The following ELF1 variants were observed in gnomAD, a reference collection of about 807,000 sequenced individuals.
ELF1 encodes ETS-related transcription factor Elf-1.
A neutral mutation model predicts 59.9 loss-of-function variants in ELF1; 24 were observed. The observed-to-expected ratio is 0.40, with a 90% CI of 0.29 to 0.56. ELF1 has a LOEUF of 0.56. Ranked by LOEUF, ELF1 falls within the 20% of genes least tolerant of loss-of-function variation. ELF1 has a pLI of 0.44. For synonymous variants in ELF1, 248 were observed against 266.2 expected (o/e 0.93, Z 0.67); for missense variants, 627 against 742.2 (o/e 0.84, Z 1.80).
At chr13:40,989,874 A>G (rs1443570828) in intron 1 of ELF1, among the ~76,000 whole-genome samples, 3 of 152,204 alleles carry the variant, frequency 2.0e-5, no homozygotes, top group Non-Finnish European at 4.4e-5. Context: ...AATTGGAGGA[A>G]ACATAATCTG....
intron 1 of ELF1, among the ~76,000 whole-genome samples, chr13:41,050,434 T>C (rs1877038417): frequency 6.6e-6 from 1 of 152,222 alleles, no homozygotes; most frequent in Non-Finnish European, 1.5e-5. Context: ...CACCTTTTGG[T>C]AACATAATAA....
At position 40,933,621 on chromosome 13, in the gene ELF1, G is replaced by A; in HGVS notation, c.1664C>T (p.Ser555Leu). ...VAHPPGTVIT[S>L]VIKTQETKTL... ...TTTTGTTTCTTGAGTTTTGATAACT[G>A]AAGTGATTACAGTGCCAGGTGGGTG... is the stretch of plus-strand genomic sequence containing the variant. Residue 555 changes from serine to leucine, a missense_variant, in exon 9 of 9, where the codon TCA (serine) becomes TTA (leucine). Coordinates refer to ENST00000239882, the MANE Select transcript of ELF1 (RefSeq NM_172373.4). 1.2e-6 allele frequency: 2 copies of A among 1,614,184 alleles called. No individual in the cohort carries two copies. The highest frequency in any genetic ancestry group is 1.7e-6 in the Non-Finnish European group (2 of 1,180,026).
intron 1 of ELF1, among the ~76,000 whole-genome samples, chr13:41,013,694 A>C (rs1422629805): frequency 6.6e-6 from 1 of 152,070 alleles, no homozygotes; most frequent in African/African-American, 2.4e-5. Context: ...ATATTTACCC[A>C]TGTTGTAACA....
chr13:40,935,581 G>C (rs1486171421), intron 8 of ELF1, among the ~76,000 whole-genome samples: 1 of 152,140 alleles, frequency 6.6e-6, no homozygotes. Context: ...ACCAAACTTA[G>C]ATGGCCACCC....
rs915824616 is a variant in ELF1, at chr13:40,959,028, T to C, written c.73-12A>G. On this transcript the variant is annotated splice_polypyrimidine_tract_variant and intron_variant, in intron 2 of 8. Coordinates refer to ENST00000239882, the MANE Select transcript of ELF1 (RefSeq NM_172373.4). ...GCTGGATCACCAAGCTGGGAAGGGT[T>C]AGGGAGAGGAAAATGAAAACAAAGG... is the stretch of plus-strand genomic sequence containing the variant. The C allele has an allele frequency of 3.2e-6, 5 of 1,584,010 alleles. No individual in the cohort carries two copies. The highest frequency in any genetic ancestry group is 2.6e-6 in the Non-Finnish European group (3 of 1,167,110).
At chr13:41,054,193 C>T (rs1299863889) in intron 1 of ELF1, among the ~76,000 whole-genome samples, 2 of 152,188 alleles carry the variant, frequency 1.3e-5, no homozygotes, top group African/African-American at 2.4e-5. Flanking sequence ...ACTCTTGAAT[C>T]ATTGCAGCTT....
At chr13:40,935,626 G>T (rs9532676) in intron 8 of ELF1, among the ~76,000 whole-genome samples, 1 of 151,606 alleles carries the variant, frequency 6.6e-6, no homozygotes, top group African/African-American at 2.4e-5. Context: ...GGGAAATCTG[G>T]GGTGAGATGG....
intron 1 of ELF1, among the ~76,000 whole-genome samples, chr13:41,057,399 T>A (rs766883935): frequency 7.2e-5 from 11 of 151,934 alleles, no homozygotes; most frequent in African/African-American, 2.4e-4. Flanking sequence ...TCTCTTTTTT[T>A]TCCCCCCACC....
At chr13:41,035,560 C>T (rs1876339543) in intron 1 of ELF1, among the ~76,000 whole-genome samples, 1 of 151,944 alleles carries the variant, frequency 6.6e-6, no homozygotes, top group Non-Finnish European at 1.5e-5. Flanking sequence ...GGTATGGTAG[C>T]CCTGTTTAGG....
chr13:41,008,618 AT>A (rs747887419), intron 1 of ELF1, among the ~76,000 whole-genome samples: 2 of 152,124 alleles, frequency 1.3e-5, no homozygotes, highest in Non-Finnish European at 2.9e-5. Flanking sequence ...AGACCTATGG[AT>A]TTTAATGTTA....
In ELF1 at chr13:40,992,390, C is replaced by T. The variant is rs747332964; in HGVS notation, c.-228-10108G>A. Among the ~76,000 whole-genome samples the T allele has an allele frequency of 9.9e-4, 150 of 152,242 alleles. No individual in the cohort carries two copies. In the Middle Eastern group the frequency reaches 0.01, roughly 10 times the overall value. On this transcript the variant is annotated intron_variant, in intron 1 of 8. Transcript: ENST00000239882. ...TAGATCTTTAGAAAGGAAATGTATC[C>T]AAGCTTAGGATAGAAACACAATCTG... is the stretch of plus-strand genomic sequence containing the variant.
intron 2 of ELF1, among the ~76,000 whole-genome samples, chr13:40,962,929 C>T (rs1004385258): frequency 6.6e-6 from 1 of 152,182 alleles, no homozygotes; most frequent in East Asian, 1.9e-4. Context: ...GAGCTTATAA[C>T]ATTTCACGAG....
chr13:41,054,467 G>A (rs201425508), intron 1 of ELF1, among the ~76,000 whole-genome samples: 4 of 152,146 alleles, frequency 2.6e-5, no homozygotes, highest in African/African-American at 7.2e-5. Flanking sequence ...TTCAGAGTTC[G>A]AAAGCCACAG....
chr13:41,021,790 AAAG>A (rs1273942969), upstream of ELF1, among the ~76,000 whole-genome samples: 1 of 152,236 alleles, frequency 6.6e-6, no homozygotes, highest in African/African-American at 2.4e-5. Context: ...ACACTTCACT[AAAG>A]AAGTCATACA....
intron 4 of ELF1, among the ~76,000 whole-genome samples, chr13:40,950,558 C>T (rs1870789717): frequency 6.6e-6 from 1 of 152,094 alleles, no homozygotes; most frequent in African/African-American, 2.4e-5. Flanking sequence ...AATGACCTTT[C>T]ATGTCTCTTC....
intron 1 of ELF1, among the ~76,000 whole-genome samples, chr13:41,037,722 G>C (rs958490745): frequency 1.3e-5 from 2 of 150,860 alleles, no homozygotes; most frequent in Non-Finnish European, 3.0e-5. Flanking sequence ...CTGGAACCTG[G>C]GAGGTGGAGG....
intron 1 of ELF1, among the ~76,000 whole-genome samples, chr13:41,036,701 A>C (rs1208443473): frequency 6.6e-6 from 1 of 152,206 alleles, no homozygotes; most frequent in African/African-American, 2.4e-5. Flanking sequence ...CTTGGAACCA[A>C]CCCAAATGTC....
chr13:41,038,306 C>T (rs545420190), intron 1 of ELF1, among the ~76,000 whole-genome samples: 4 of 151,976 alleles, frequency 2.6e-5, no homozygotes, highest in African/African-American at 7.2e-5. Context: ...CAACATGAGC[C>T]CAGGAGTTAG....
intron 1 of ELF1, among the ~76,000 whole-genome samples, chr13:40,997,152 TTA>T (rs1230226783): frequency 1.3e-5 from 2 of 152,236 alleles, no homozygotes; most frequent in African/African-American, 2.4e-5. Flanking sequence ...TTGAAAGACT[TTA>T]TGATTCCTTG....
Sources: allele counts gnomAD v4.1 joint callset (sites outside exome capture counted in the v4.1 genomes callset), GRCh38; gene constraint gnomAD v4.1.1; transcripts MANE v1.5; gene names NCBI Gene and HGNC (gene_info 2026-07-23, HGNC 2026-07-21).